Variants in CEP128 observed in about 807,000 individuals in gnomAD.
The protein encoded by CEP128 is centrosomal protein 128.
CEP128 carries 132 observed loss-of-function variants against 156.7 expected under a neutral mutation model. The ratio of observed to expected loss-of-function variants is 0.84; its 90% confidence interval spans 0.73 to 0.97. The LOEUF is 0.97. Among genes scored for constraint, CEP128 ranks in the 50% least tolerant of loss-of-function variants. The probability of loss-of-function intolerance (pLI) is 0.00; values close to 1 mark genes in which losing one functional copy is unlikely to be tolerated. For missense variants in CEP128, 1,252 were observed against 1,281.9 expected, an observed-to-expected ratio of 0.98 and a Z score of 0.36; for synonymous variants, 469 against 448.9, an observed-to-expected ratio of 1.04 and a Z score of -0.57.
At chr14:80,612,361 A>G (rs1893027226) in intron 19 of CEP128, among the ~76,000 whole-genome samples, 1 of 152,232 alleles carries the variant, frequency 6.6e-6, no homozygotes, top group Admixed American at 6.5e-5. Context: ...AAGGATTCTA[A>G]TTCTATTCTA....
chr14:80,728,380 G>A (rs987569735), intron 19 of CEP128, among the ~76,000 whole-genome samples: 3 of 152,118 alleles, frequency 2.0e-5, no homozygotes, highest in African/African-American at 4.8e-5. Context: ...GGATGGGAGA[G>A]GGGTGAGGAT....
intron 13 of CEP128, among the ~76,000 whole-genome samples, chr14:80,826,496 C>T (rs756914171): frequency 7.9e-5 from 12 of 152,174 alleles, no homozygotes; most frequent in East Asian, 1.9e-4. Context: ...AATATTAAAG[C>T]GGGCATACAG....
chr14:80,771,430 G>A (rs1169514382), intron 16 of CEP128, among the ~76,000 whole-genome samples: 1 of 152,102 alleles, frequency 6.6e-6, no homozygotes, highest in Non-Finnish European at 1.5e-5. Flanking sequence ...AAATACACTT[G>A]CAAATGTGAA....
intron 19 of CEP128, among the ~76,000 whole-genome samples, chr14:80,606,334 T>C (rs1289302771): frequency 6.6e-6 from 1 of 152,252 alleles, no homozygotes; most frequent in East Asian, 1.9e-4. Context: ...GATATGCAGA[T>C]TTTGACTGAA....
intron 13 of CEP128, among the ~76,000 whole-genome samples, chr14:80,810,757 T>G (rs1182486837): frequency 6.6e-6 from 1 of 152,212 alleles, no homozygotes; most frequent in Non-Finnish European, 1.5e-5. Context: ...TGAACCCATC[T>G]GATCCTGGGC....
chr14:80,784,123 C>A (rs1403947604), intron 15 of CEP128, among the ~76,000 whole-genome samples: 1 of 152,012 alleles, frequency 6.6e-6, no homozygotes, highest in Non-Finnish European at 1.5e-5. Flanking sequence ...TTCACCTATT[C>A]AATAGATATT....
chr14:80,852,663 A>C (rs919351837), intron 9 of CEP128, among the ~76,000 whole-genome samples: 1 of 151,968 alleles, frequency 6.6e-6, no homozygotes. Flanking sequence ...AACATTAAAA[A>C]AAATTAGTAA....
At chr14:80,941,032 T>TGGAG (rs1886124151) in intron 1 of CEP128, among the ~76,000 whole-genome samples, 1 of 152,188 alleles carries the variant, frequency 6.6e-6, no homozygotes, top group Non-Finnish European at 1.5e-5. Flanking sequence ...GCAGCTGGGA[T>TGGAG]TCAATGTCAG....
At chr14:80,821,646 C>T (rs1885190835) in intron 13 of CEP128, among the ~76,000 whole-genome samples, 1 of 145,118 alleles carries the variant, frequency 6.9e-6, no homozygotes, top group Non-Finnish European at 1.5e-5. Flanking sequence ...CACACACATG[C>T]ACACAAAGCT....
chr14:80,774,313 T>C (rs1290369782), intron 16 of CEP128, among the ~76,000 whole-genome samples: 1 of 152,186 alleles, frequency 6.6e-6, no homozygotes, highest in Non-Finnish European at 1.5e-5. Flanking sequence ...TGTGTATTGG[T>C]AGCCTCAGTA....
chr14:80,871,566 T>C (rs923672776), intron 8 of CEP128, among the ~76,000 whole-genome samples: 1 of 152,092 alleles, frequency 6.6e-6, no homozygotes, highest in Non-Finnish European at 1.5e-5. Flanking sequence ...GTTGTGGACC[T>C]TAACCTAAAG....
rs375878286 is a variant in CEP128, at chr14:80,506,062, GGA to G, written c.3073-1044_3073-1043del. Among the ~76,000 whole-genome samples the G allele has an allele frequency of 1.8e-3, 274 of 152,314 alleles. 1 individual carries two copies. Among genetic ancestry groups the G allele is most frequent in the African/African-American group, 5.1e-3 (211 of 41,580 alleles). ...TTAGGATTCAGATAAGACCCCTCTG[GGA>G]GGTGACAGTTAAGGCAATATTTGAA... On this transcript the variant is annotated intron_variant, in intron 23 of 24. Transcript: ENST00000555265.
intron 9 of CEP128, among the ~76,000 whole-genome samples, chr14:80,854,193 C>T (rs1018533961): frequency 2.6e-5 from 4 of 152,128 alleles, no homozygotes; most frequent in Non-Finnish European, 5.9e-5. Context: ...ATTATAACCA[C>T]TACTTCTGGT....
At chr14:80,617,727 A>G (rs1893286220) in intron 19 of CEP128, among the ~76,000 whole-genome samples, 1 of 151,830 alleles carries the variant, frequency 6.6e-6, no homozygotes, top group South Asian at 2.1e-4. Flanking sequence ...GGATCTCTTG[A>G]GCCCAGGAGT....
At chr14:80,712,367 C>T (rs1897443505) in intron 19 of CEP128, among the ~76,000 whole-genome samples, 1 of 152,158 alleles carries the variant, frequency 6.6e-6, no homozygotes, top group Admixed American at 6.5e-5. Context: ...CAGGCTCCAT[C>T]CAGCACCCTA....
chr14:80,874,806 G>A (rs1888202715), intron 8 of CEP128, among the ~76,000 whole-genome samples: 1 of 152,230 alleles, frequency 6.6e-6, no homozygotes, highest in Admixed American at 6.5e-5. Context: ...TTTTAGTAGA[G>A]ACGGGGTTTC....
At chr14:80,779,361 A>C (rs576296571) in intron 15 of CEP128, among the ~76,000 whole-genome samples, 1 of 152,370 alleles carries the variant, frequency 6.6e-6, no homozygotes, top group African/African-American at 2.4e-5. Flanking sequence ...AGCTGATGCC[A>C]CATTAAATTA....
chr14:80,876,174 C>T (rs896398721), intron 8 of CEP128, among the ~76,000 whole-genome samples: 8 of 151,562 alleles, frequency 5.3e-5, no homozygotes, highest in African/African-American at 9.7e-5. Context: ...AAGCAGCAAG[C>T]AACAAGTCAA....
At chr14:80,943,133 A>C (rs1886235371), upstream of CEP128, among the ~76,000 whole-genome samples, 1 of 152,238 alleles carries the variant, frequency 6.6e-6, no homozygotes, top group Non-Finnish European at 1.5e-5. Context: ...AAACATTTTA[A>C]CTTTCAAAAC....
Sources: gnomAD v4.1 joint callset for allele counts (sites outside exome capture counted in the v4.1 genomes callset) on GRCh38, gnomAD v4.1.1 for gene constraint, MANE v1.5 for transcripts, NCBI Gene and HGNC (gene_info 2026-07-23, HGNC 2026-07-21) for gene names.